The following DDOST variants were observed in gnomAD, a reference collection of about 807,000 sequenced individuals.
DDOST encodes the protein dolichyl-diphosphooligosaccharide--protein glycosyltransferase non-catalytic subunit.
In DDOST, 25 loss-of-function variants were observed where a neutral mutation model predicts 47.6. That is an observed-to-expected ratio of 0.53 (90% CI 0.38 to 0.73). DDOST has a LOEUF of 0.73. Ranked by LOEUF, DDOST falls within the 30% of genes least tolerant of loss-of-function variation. The pLI is 0.00. For synonymous variants in DDOST, 275 were observed against 236.0 expected, an observed-to-expected ratio of 1.17 and a Z score of -1.51; for missense variants, 526 against 573.9, an observed-to-expected ratio of 0.92 and a Z score of 0.85.
chr1:20,661,297 G>A lies in DDOST; in HGVS notation c.54C>T (p.Pro18=). ...RAWALFWLLL[P]LLGAVCASGP... The stretch of plus-strand genomic sequence containing the variant: ...CGCTGGCGCAAACCGCGCCAAGCAA[G>A]GGCAGCAGCAACCAAAAGAGGGCCC... Residue 18 remains proline (P), a synonymous_variant, in exon 1 of 11, where the codon CCC becomes CCT. Transcript: ENST00000602624. 6.2e-7 allele frequency: 1 copy of A among 1,613,880 alleles called. No individual in the cohort carries two copies. Among genetic ancestry groups the A allele is most frequent in the East Asian group, 2.2e-5 (1 of 44,852 alleles).
At chr1:20,660,664 G>A in intron 2 of DDOST, 1 of 469,298 alleles carries the variant, frequency 2.1e-6, no homozygotes, top group East Asian at 3.8e-5. Flanking sequence ...ACGGTCTGCA[G>A]CAACACTTGA....
intron 2 of DDOST, among the ~76,000 whole-genome samples, chr1:20,658,601 GA>G: frequency 6.6e-6 from 1 of 152,360 alleles, no homozygotes; most frequent in East Asian, 1.9e-4. Flanking sequence ...CTCCATCAAA[GA>G]GAATGTCTTA....
intron 5 of DDOST, 122 bp downstream of exon 5, chr1:20,655,318 A>G (rs936429874): frequency 1.4e-6 from 1 of 727,112 alleles, no homozygotes; most frequent in Non-Finnish European, 2.4e-6. Flanking sequence ...GCCTTGATAT[A>G]ACAAATTAAT....
At chr1:20,659,399 G>A (rs866350122) in intron 2 of DDOST, among the ~76,000 whole-genome samples, 4 of 152,026 alleles carry the variant, frequency 2.6e-5, no homozygotes, top group East Asian at 3.9e-4. Flanking sequence ...CAGTGCCTCC[G>A]CTTCATCTTA....
At chr1:20,657,074 C>T (rs1340739557) in intron 2 of DDOST, among the ~76,000 whole-genome samples, 5 of 152,246 alleles carry the variant, frequency 3.3e-5, no homozygotes, top group Admixed American at 6.5e-5. Flanking sequence ...CTGCAAGTGG[C>T]ATCTGAAAAG....
chr1:20,654,414 G>C, intron 6 of DDOST, 43 bp from the exon 7 acceptor site: 1 of 1,548,484 alleles, frequency 6.5e-7, no homozygotes, highest in Non-Finnish European at 8.7e-7. Flanking sequence ...TTCCAAGTAA[G>C]GGAAAAGCTG....
At chr1:20,655,388 G>T in intron 5 of DDOST, 52 bp downstream of exon 5, 1 of 1,394,600 alleles carries the variant, frequency 7.2e-7, no homozygotes, top group Non-Finnish European at 1.0e-6. Flanking sequence ...AAAATTAAGT[G>T]ACCCCTTCTT....
At position 20,661,149 on chromosome 1, in the gene DDOST, TACC is replaced by T. The variant is rs1557574853; in HGVS notation, c.154+45_154+47del. On this transcript the variant is annotated intron_variant, in intron 1 of 10. Coordinates refer to ENST00000602624, the MANE Select transcript of DDOST (RefSeq NM_005216.5). The stretch of plus-strand genomic sequence containing the variant: ...AGAGTGGTCAATGCCCTCGATGCTG[TACC>T]AACCCCAGGCCCCCACACGCTACCC... 3 of 1,591,294 alleles carry T rather than the reference TACC, an allele frequency of 1.9e-6. No individual in the cohort carries two copies. The Admixed American group carries it at 5.1e-5, about 27-fold the overall frequency.
chr1:20,660,552 C>T (rs2053423723), intron 2 of DDOST: 1 of 198,054 alleles, frequency 5.0e-6, no homozygotes, highest in South Asian at 1.0e-4. Flanking sequence ...GCCATTTCCT[C>T]TTTCCACCCA....
chr1:20,656,264 G>A, intron 2 of DDOST, 77 bp from the exon 3 acceptor site: 1 of 1,168,328 alleles, frequency 8.6e-7, no homozygotes. Context: ...GAGGGGACAT[G>A]AAGGGCAGAG....
chr1:20,654,039 T>TA (rs1181539421), intron 7 of DDOST, among the ~76,000 whole-genome samples, 184 bp downstream of exon 7: 1 of 152,142 alleles, frequency 6.6e-6, no homozygotes, highest in African/African-American at 2.4e-5. Flanking sequence ...ACTACTACCT[T>TA]AAAAAATTGG....
intron 2 of DDOST, among the ~76,000 whole-genome samples, chr1:20,660,162 C>T (rs1171977957): frequency 1.3e-5 from 2 of 152,198 alleles, no homozygotes; most frequent in African/African-American, 4.8e-5. Flanking sequence ...TATGTGAAGG[C>T]TATGCCTGCA....
intron 8 of DDOST, chr1:20,653,203 C>T: frequency 3.4e-6 from 2 of 589,606 alleles, no homozygotes; most frequent in Non-Finnish European, 6.0e-6. Context: ...GCCTAGATTC[C>T]TTCACACAGT....
intron 2 of DDOST, 88 bp from the exon 3 acceptor site, chr1:20,656,275 C>A (rs1366399807): frequency 2.0e-6 from 2 of 992,232 alleles, no homozygotes; most frequent in Non-Finnish European, 3.2e-6. Flanking sequence ...AAGGGCAGAG[C>A]AGCCACGATC....
At chr1:20,655,847 T>G in intron 3 of DDOST, 68 bp from the exon 4 acceptor site, 1 of 1,273,214 alleles carries the variant, frequency 7.9e-7, no homozygotes, top group African/African-American at 1.5e-5. Context: ...GTCCTTGGCT[T>G]CCTTGTGACT....
chr1:20,659,334 C>T (rs1235607939), intron 2 of DDOST, among the ~76,000 whole-genome samples: 1 of 152,132 alleles, frequency 6.6e-6, no homozygotes, highest in Non-Finnish European at 1.5e-5. Context: ...CTCTCTCAGC[C>T]CTCTCCCGAG....
At chr1:20,661,076 C>A in intron 1 of DDOST, 85 bp from the exon 2 acceptor site, 1 of 1,474,556 alleles carries the variant, frequency 6.8e-7, no homozygotes. Flanking sequence ...GCACGCCAAG[C>A]GGCAGGCCAG....
chr1:20,656,375 G>T (rs1009153998), intron 2 of DDOST, among the ~76,000 whole-genome samples, 188 bp from the exon 3 acceptor site: 1 of 152,240 alleles, frequency 6.6e-6, no homozygotes, highest in African/African-American at 2.4e-5. Context: ...TCCTCGCAGC[G>T]TGAAGACTCA....
chr1:20,657,047 G>C lies in DDOST; in HGVS notation c.266-860C>G, dbSNP rs1054763119. Among the ~76,000 whole-genome samples the C allele has an allele frequency of 5.3e-5, 8 of 152,242 alleles. No homozygotes were observed. In the East Asian group the frequency reaches 1.5e-3, roughly 29 times the overall value. Reference sequence around the variant, plus strand: ...TGTGGGAGGGGAGCTCTTGTGCCAAGGTTGTTTAAGGAAGACCTGCAAGTG... The same window carrying C: ...TGTGGGAGGGGAGCTCTTGTGCCAACGTTGTTTAAGGAAGACCTGCAAGTG... On this transcript the variant is annotated intron_variant, in intron 2 of 10. Transcript: ENST00000602624.
Sources: allele counts gnomAD v4.1 joint callset (sites outside exome capture counted in the v4.1 genomes callset), GRCh38; gene constraint gnomAD v4.1.1; transcripts MANE v1.5; gene names NCBI Gene and HGNC (gene_info 2026-07-23, HGNC 2026-07-21).